DPP6: variants seen among roughly 807,000 people sequenced by gnomAD.
The protein encoded by DPP6 is dipeptidyl peptidase like 6.
Under a neutral mutation model 122.6 loss-of-function variants are expected in DPP6, and 69 were observed. The ratio of observed to expected loss-of-function variants is 0.56; its 90% CI spans 0.46 to 0.69. DPP6 has a LOEUF of 0.69. Ranked by LOEUF, DPP6 falls within the 30% of genes least tolerant of loss-of-function variation. The probability of loss-of-function intolerance (pLI) is 0.00; values close to 1 mark genes in which losing one functional copy is unlikely to be tolerated. For synonymous variants in DPP6, 418 were observed against 433.1 expected, an observed-to-expected ratio of 0.97 and a Z score of 0.43; for missense variants, 928 against 1,116.9, an observed-to-expected ratio of 0.83 and a Z score of 2.41.
intron 1 of DPP6, among the ~76,000 whole-genome samples, chr7:153,939,141 T>A (rs1801585731): frequency 6.6e-6 from 1 of 152,182 alleles, no homozygotes; most frequent in African/African-American, 2.4e-5. Context: ...TTTCAATGCC[T>A]CGAAGAAGGT....
At chr7:154,058,864 A>G (rs1477681649) in intron 1 of DPP6, 3 of 131,338 alleles carry the variant, frequency 2.3e-5, no homozygotes, top group Admixed American at 7.9e-5. Context: ...CCCCCATCGC[A>G]GGTGGGGAGG....
In DPP6 at chr7:154,446,203, G is replaced by A. The variant is rs188217987; in HGVS notation, c.244-11G>A. 2 of 1,563,176 alleles carry A rather than the reference G, an allele frequency of 1.3e-6. No individual in the cohort carries two copies. The highest frequency in any genetic ancestry group is 8.7e-7 in the Non-Finnish European group (1 of 1,147,490). On this transcript the variant is annotated splice_polypyrimidine_tract_variant and intron_variant, in intron 1 of 25. Coordinates refer to ENST00000377770, the MANE Select transcript of DPP6 (RefSeq NM_130797.4). ...ACTCACTGGGGTTTTCTTTGTTGTT[G>A]CTGTTTTTAGGAGCTGGTGGGGAGT...
In DPP6 at chr7:154,755,557, A is replaced by C. The variant is rs894439648; in HGVS notation, c.884-13860A>C. 2.0e-5 allele frequency among the ~76,000 whole-genome samples: 3 copies of C among 152,184 alleles called. No individual in the cohort carries two copies. Among genetic ancestry groups the C allele is most frequent in the African/African-American group, 7.2e-5 (3 of 41,434 alleles). Reference sequence around the variant, plus strand: ...GAGTGATTGCGTTGAGGATTAAATGAGTTAACCCATCTACGCAGTTAGAGC... The same window carrying C: ...GAGTGATTGCGTTGAGGATTAAATGCGTTAACCCATCTACGCAGTTAGAGC... On this transcript the variant is annotated intron_variant, in intron 8 of 25. Transcript: ENST00000377770. This position sits in a 1 kb window ranked among gnomAD's most constrained non-coding sequence, Gnocchi z 4.7.
chr7:154,401,214 A>AC lies in DPP6; in HGVS notation c.244-45000_244-44999insC, dbSNP rs370867153. On this transcript the variant is annotated intron_variant, in intron 1 of 25. Coordinates refer to ENST00000377770, the MANE Select transcript of DPP6 (RefSeq NM_130797.4). ...TCCATCTCAGAAAAAACAAAAACAA[A>AC]AACAAAAAAAAAACAGGTATTACTG... is the stretch of plus-strand genomic sequence containing the variant. Among the ~76,000 whole-genome samples the AC allele has an allele frequency of 4.2e-3, 635 of 150,068 alleles. 4 individuals are homozygous for AC. Among genetic ancestry groups the AC allele is most frequent in the African/African-American group, 0.015 (613 of 40,728 alleles).
chr7:153,803,559 C>T, the DPP6 span, among the ~76,000 whole-genome samples: 10 of 152,014 alleles, frequency 6.6e-5, no homozygotes, highest in Admixed American at 3.9e-4. Context: ...GGGACTCATA[C>T]GGAATTATAT....
rs139626823 is a variant in DPP6 at position 154,797,017 on chromosome 7, C to T, written c.1299+1134C>T. Reference sequence around the variant, plus strand: ...GACTTAGGGAACCCTCAAACATTAGCATGCTGGAAAGTTCTTGAATGCCAC... The same window carrying T: ...GACTTAGGGAACCCTCAAACATTAGTATGCTGGAAAGTTCTTGAATGCCAC... On this transcript the variant is annotated intron_variant, in intron 12 of 25. Coordinates refer to ENST00000377770, the MANE Select transcript of DPP6 (RefSeq NM_130797.4). 1.3e-3 allele frequency among the ~76,000 whole-genome samples: 194 copies of T among 152,304 alleles called. 1 individual carries two copies. Among genetic ancestry groups the T allele is most frequent in the African/African-American group, 4.3e-3 (180 of 41,578 alleles).
chr7:154,824,756 T>C (rs925468222), intron 16 of DPP6, among the ~76,000 whole-genome samples: 4 of 152,230 alleles, frequency 2.6e-5, no homozygotes, highest in African/African-American at 9.6e-5. Flanking sequence ...TCCCTGGCTG[T>C]GCATTTCTGC....
intron 1 of DPP6, among the ~76,000 whole-genome samples, chr7:154,030,695 T>C (rs922480475): frequency 3.3e-5 from 5 of 152,106 alleles, no homozygotes; most frequent in Admixed American, 2.6e-4. Flanking sequence ...CGCTCTCCTC[T>C]TGTGATACCT....
chr7:154,276,038 A>G (rs562621688), intron 1 of DPP6, among the ~76,000 whole-genome samples: 32 of 152,238 alleles, frequency 2.1e-4, no homozygotes, highest in Non-Finnish European at 4.0e-4. Context: ...TTAACCTAGC[A>G]TAGCCGTCAC....
the DPP6 span, among the ~76,000 whole-genome samples, chr7:153,861,895 G>T: frequency 6.6e-6 from 1 of 152,174 alleles, no homozygotes; most frequent in Non-Finnish European, 1.5e-5. Context: ...TCTTTGGGGG[G>T]AAAAAGCTGA....
chr7:154,861,161 A>T (rs1424585356), intron 17 of DPP6, among the ~76,000 whole-genome samples: 4 of 152,170 alleles, frequency 2.6e-5, no homozygotes, highest in African/African-American at 7.2e-5. Flanking sequence ...AGTGGCCTTT[A>T]TGTGAGGGGA....
Position 154,794,241 on chromosome 7 carries a change from G to A in DPP6, c.1260+39G>A, listed in dbSNP as rs749066943. ...TGGGGGTGGAGGGGAGACGGGTGAA[G>A]AACCGATGGTCAGACGCGCCCGAGG... On this transcript the variant is annotated intron_variant, in intron 11 of 25. Coordinates refer to ENST00000377770, the MANE Select transcript of DPP6 (RefSeq NM_130797.4). The A allele has an allele frequency of 6.4e-6, 10 of 1,557,002 alleles. No homozygotes were observed. In the African/African-American group the frequency reaches 1.1e-4, roughly 17 times the overall value.
chr7:154,127,674 C>CACACAT (rs1244574560), intron 1 of DPP6, among the ~76,000 whole-genome samples: 174 of 148,114 alleles, frequency 1.2e-3, no homozygotes, highest in African/African-American at 3.9e-3. Flanking sequence ...CACACACACA[C>CACACAT]ACAAAACAGC....
intron 8 of DPP6, among the ~76,000 whole-genome samples, chr7:154,765,752 A>G (rs924044754): frequency 2.6e-5 from 4 of 152,228 alleles, no homozygotes; most frequent in Non-Finnish European, 4.4e-5. Flanking sequence ...CCCCAGCAGG[A>G]CAGGGAAGGT....
chr7:154,685,409 G>C (rs923088865), intron 7 of DPP6, among the ~76,000 whole-genome samples: 1 of 152,192 alleles, frequency 6.6e-6, no homozygotes, highest in Non-Finnish European at 1.5e-5. Flanking sequence ...GTGGCTGCAT[G>C]CCCAGAGGCT....
chr7:154,353,387 A>T (rs141461054), intron 1 of DPP6, among the ~76,000 whole-genome samples: 1 of 152,284 alleles, frequency 6.6e-6, no homozygotes, highest in African/African-American at 2.4e-5. Flanking sequence ...TATAGCGAGA[A>T]CCAGAATAAT....
intron 1 of DPP6, among the ~76,000 whole-genome samples, chr7:154,227,874 C>T (rs1190095775): frequency 1.3e-5 from 2 of 152,162 alleles, no homozygotes; most frequent in Non-Finnish European, 2.9e-5. Flanking sequence ...TTGCCCTATG[C>T]CTGCCTTTTA....
At chr7:154,773,088 C>A in intron 10 of DPP6, 146 bp downstream of exon 10, 2 of 1,117,380 alleles carry the variant, frequency 1.8e-6, no homozygotes, top group Non-Finnish European at 2.4e-6. Flanking sequence ...TTCCTCACTG[C>A]TTTATGATTC....
intron 1 of DPP6, among the ~76,000 whole-genome samples, chr7:154,253,528 C>G (rs534726797): frequency 6.6e-6 from 1 of 152,312 alleles, no homozygotes; most frequent in South Asian, 2.1e-4. Context: ...TTAGAAATGA[C>G]TTGACTAGAC....
Sources: gnomAD v4.1 joint callset for allele counts (sites outside exome capture counted in the v4.1 genomes callset) on GRCh38, gnomAD v4.1.1 for gene constraint, Gnocchi (gnomAD v3.1) non-coding constraint, MANE v1.5 for transcripts, NCBI Gene and HGNC (gene_info 2026-07-23, HGNC 2026-07-21) for gene names.